The following THEMIS variants were observed in gnomAD, a reference collection of about 807,000 sequenced individuals.
THEMIS encodes the protein thymocyte selection associated.
THEMIS carries 37 observed loss-of-function variants against 52.6 expected under a neutral mutation model. That is an observed-to-expected ratio of 0.70 (90% CI 0.54 to 0.93). THEMIS has a LOEUF of 0.93. Ranked by LOEUF, THEMIS falls within the 40% of genes least tolerant of loss-of-function variation. THEMIS has a pLI of 0.00. For missense variants in THEMIS, 808 were observed against 763.1 expected, an observed-to-expected ratio of 1.06 and a Z score of -0.69; for synonymous variants, 292 against 272.7, an observed-to-expected ratio of 1.07 and a Z score of -0.70.
At chr6:127,875,462 G>C (rs1031521454) in intron 1 of THEMIS, among the ~76,000 whole-genome samples, 4 of 152,180 alleles carry the variant, frequency 2.6e-5, no homozygotes, top group Admixed American at 6.5e-5. Flanking sequence ...GAGTAGGTTT[G>C]TTGATATTGG....
At chr6:127,803,565 G>A (rs965806482) in intron 4 of THEMIS, among the ~76,000 whole-genome samples, 3 of 151,966 alleles carry the variant, frequency 2.0e-5, no homozygotes, top group Non-Finnish European at 4.4e-5. Flanking sequence ...TACTCAATAT[G>A]GTATTCAAAT....
At chr6:127,910,569 T>A (rs1299321530) in intron 1 of THEMIS, among the ~76,000 whole-genome samples, 2 of 152,160 alleles carry the variant, frequency 1.3e-5, no homozygotes, top group Non-Finnish European at 2.9e-5. Context: ...TTAGGGAAGA[T>A]AATTAGATGA....
intron 4 of THEMIS, among the ~76,000 whole-genome samples, chr6:127,804,380 C>T (rs911208800): frequency 2.0e-5 from 3 of 152,114 alleles, no homozygotes; most frequent in African/African-American, 7.2e-5. Flanking sequence ...CCATGACACA[C>T]CTTATATACC....
At position 127,906,996 on chromosome 6, in the gene THEMIS, G is replaced by A. The variant is rs999794480; in HGVS notation, c.-149-5915C>T. ...AGCAGAGAAATAAGCTTCAGCAGTA[G>A]AGGCTTAAAACTATATTATAATATT... On this transcript the variant is annotated intron_variant, in intron 1 of 6. Coordinates refer to the THEMIS transcript ENST00000368250. Among the ~76,000 whole-genome samples the A allele has an allele frequency of 2.0e-5, 3 of 151,712 alleles. No individual in the cohort carries two copies. The East Asian group carries it at 5.8e-4, about 29-fold the overall frequency.
At chr6:127,804,727 T>C (rs530365180) in intron 4 of THEMIS, among the ~76,000 whole-genome samples, 32 of 152,292 alleles carry the variant, frequency 2.1e-4, no homozygotes, top group South Asian at 6.2e-4. Context: ...AGGGTGGTTC[T>C]CAGCCTTGGA....
chr6:127,703,049 T>G, the THEMIS span, among the ~76,000 whole-genome samples: 635 of 116,194 alleles, frequency 5.5e-3, 16 homozygotes, highest in South Asian at 0.012. Flanking sequence ...TTTTTTTTTT[T>G]TTTTTTTTTT....
intron 2 of THEMIS, among the ~76,000 whole-genome samples, chr6:127,844,251 T>C (rs929391484): frequency 6.6e-6 from 1 of 151,970 alleles, no homozygotes; most frequent in African/African-American, 2.4e-5. Context: ...ATTCAATTAG[T>C]AATTTATATA....
At chr6:127,791,968 C>T (rs1777172440) in intron 4 of THEMIS, among the ~76,000 whole-genome samples, 1 of 152,184 alleles carries the variant, frequency 6.6e-6, no homozygotes, top group African/African-American at 2.4e-5. Context: ...AGGGTGTTTC[C>T]TGGGGCCCTG....
chr6:127,773,915 C>A (rs922083380), intron 4 of THEMIS, among the ~76,000 whole-genome samples: 1 of 152,296 alleles, frequency 6.6e-6, no homozygotes, highest in East Asian at 1.9e-4. Flanking sequence ...CAAATCACTG[C>A]AAAACTTAAT....
downstream of THEMIS, among the ~76,000 whole-genome samples, chr6:127,707,323 A>G (rs1393295443): frequency 1.3e-5 from 2 of 152,154 alleles, no homozygotes; most frequent in African/African-American, 2.4e-5. Context: ...ACAGAGAGAG[A>G]ATGGGAATGT....
At chr6:127,784,281 T>C (rs1333033207) in intron 4 of THEMIS, among the ~76,000 whole-genome samples, 1 of 152,132 alleles carries the variant, frequency 6.6e-6, no homozygotes, top group Non-Finnish European at 1.5e-5. Context: ...GAATACCTAA[T>C]GTAGATGATG....
intron 1 of THEMIS, among the ~76,000 whole-genome samples, chr6:127,881,202 C>T (rs574615088): frequency 6.0e-4 from 91 of 152,120 alleles, no homozygotes; most frequent in Middle Eastern, 6.8e-3. Context: ...CATAAAACTA[C>T]TAATCTTAAA....
At chr6:127,886,639 C>G (rs887660754) in intron 1 of THEMIS, among the ~76,000 whole-genome samples, 1 of 152,080 alleles carries the variant, frequency 6.6e-6, no homozygotes, top group African/African-American at 2.4e-5. Flanking sequence ...GTTTATGAGG[C>G]TTTCCACACA....
At chr6:127,760,858 A>G (rs1227876230) in intron 4 of THEMIS, among the ~76,000 whole-genome samples, 3 of 152,172 alleles carry the variant, frequency 2.0e-5, no homozygotes, top group Non-Finnish European at 2.9e-5. Flanking sequence ...AGAATAAAAC[A>G]TATTAGAAAA....
intron 4 of THEMIS, among the ~76,000 whole-genome samples, chr6:127,785,184 C>T (rs1353912603): frequency 6.6e-6 from 1 of 151,058 alleles, no homozygotes; most frequent in Non-Finnish European, 1.5e-5. Flanking sequence ...GTCTACCTAC[C>T]TAATCTATTA....
chr6:127,765,184 G>A (rs1388422570), intron 4 of THEMIS, among the ~76,000 whole-genome samples: 6 of 152,126 alleles, frequency 3.9e-5, no homozygotes, highest in South Asian at 2.1e-4. Context: ...AGCCAAAATC[G>A]TATATAAAGT....
intron 2 of THEMIS, among the ~76,000 whole-genome samples, chr6:127,841,719 A>AT (rs1779053544): frequency 4.7e-4 from 1 of 2,114 alleles, no homozygotes; most frequent in Non-Finnish European, 1.2e-3. Context: ...AAAAAGCAAG[A>AT]GAAAAAAAAA....
chr6:127,750,220 A>T (rs1178988942), intron 4 of THEMIS, among the ~76,000 whole-genome samples: 2 of 151,484 alleles, frequency 1.3e-5, no homozygotes, highest in Non-Finnish European at 3.0e-5. Context: ...TTAATAACAT[A>T]TTCTGGCCAC....
chr6:127,887,061 C>T (rs1204717979), intron 1 of THEMIS, among the ~76,000 whole-genome samples: 1 of 150,858 alleles, frequency 6.6e-6, no homozygotes, highest in East Asian at 2.0e-4. Context: ...CTTTTTGCTT[C>T]AAAGGCAACA....
Sources: gnomAD v4.1 joint callset for allele counts (sites outside exome capture counted in the v4.1 genomes callset) on GRCh38, gnomAD v4.1.1 for gene constraint, MANE v1.5 for transcripts, NCBI Gene and HGNC (gene_info 2026-07-23, HGNC 2026-07-21) for gene names.